The following ERC1 variants were observed in gnomAD, a reference collection of about 807,000 sequenced individuals.
ERC1 encodes RAB6 interacting protein 2.
In ERC1, 56 loss-of-function variants were observed where a neutral mutation model predicts 132.0. That is an observed-to-expected ratio of 0.42 (90% CI 0.34 to 0.53). The LOEUF (loss-of-function observed/expected upper bound fraction) is 0.53, where lower values mean the gene tolerates loss of function less well. ERC1 is among the 20% of genes least tolerant of loss of function. The pLI, the probability that ERC1 is intolerant of heterozygous loss-of-function variation, is 0.03. For synonymous variants in ERC1, 478 were observed against 476.1 expected, an observed-to-expected ratio of 1.00 and a Z score of -0.05; for missense variants, 1,202 against 1,349.9, an observed-to-expected ratio of 0.89 and a Z score of 1.72.
At chr12:1,452,827 G>A (rs911795972) in intron 18 of ERC1, among the ~76,000 whole-genome samples, 1 of 152,182 alleles carries the variant, frequency 6.6e-6, no homozygotes, top group Non-Finnish European at 1.5e-5. Flanking sequence ...CTTCTGTCAG[G>A]CCATTAGCAT....
At chr12:1,102,468 G>T (rs1944775221) in intron 3 of ERC1, among the ~76,000 whole-genome samples, 1 of 152,140 alleles carries the variant, frequency 6.6e-6, no homozygotes, top group South Asian at 2.1e-4. Flanking sequence ...ATGGAGCTAT[G>T]TAAGCTGTGT....
At chr12:1,202,076 C>T (rs530205710) in intron 12 of ERC1, among the ~76,000 whole-genome samples, 17 of 152,304 alleles carry the variant, frequency 1.1e-4, no homozygotes, top group African/African-American at 4.1e-4. Context: ...TCTGATCCTG[C>T]TTGCTTCAGC....
intron 15 of ERC1, among the ~76,000 whole-genome samples, chr12:1,329,163 A>G (rs1375994065): frequency 6.9e-6 from 1 of 145,600 alleles, no homozygotes; most frequent in African/African-American, 2.6e-5. Flanking sequence ...GCGTGGTGGC[A>G]CATGCCTGTA....
chr12:1,421,494 A>G (rs1029912291), intron 17 of ERC1, among the ~76,000 whole-genome samples: 6 of 152,106 alleles, frequency 3.9e-5, no homozygotes, highest in Admixed American at 6.6e-5. Context: ...CATACACTAA[A>G]TCAGTTTCTA....
chr12:1,153,625 G>C (rs888802690), intron 8 of ERC1, among the ~76,000 whole-genome samples: 1 of 152,218 alleles, frequency 6.6e-6, no homozygotes, highest in African/African-American at 2.4e-5. Context: ...AGCCTGAAAA[G>C]ACAAACATTC....
chr12:1,210,778 G>A (rs1484151416), intron 12 of ERC1, among the ~76,000 whole-genome samples: 3 of 152,044 alleles, frequency 2.0e-5, no homozygotes, highest in African/African-American at 4.8e-5. Flanking sequence ...GATGGATCAC[G>A]AGGTCAAGAG....
chr12:1,212,868 C>T (rs1958009085), intron 12 of ERC1, among the ~76,000 whole-genome samples: 1 of 152,184 alleles, frequency 6.6e-6, no homozygotes, highest in African/African-American at 2.4e-5. Flanking sequence ...TCCTACCTGG[C>T]TTTCTCAAAA....
intron 15 of ERC1, among the ~76,000 whole-genome samples, chr12:1,345,204 G>A (rs947611347): frequency 3.1e-3 from 169 of 55,018 alleles, no homozygotes; most frequent in African/African-American, 0.016. Flanking sequence ...TTTTTGAGAC[G>A]GAGTCTCACT....
intron 11 of ERC1, among the ~76,000 whole-genome samples, chr12:1,189,565 T>G (rs1955500061): frequency 6.6e-6 from 1 of 152,250 alleles, no homozygotes; most frequent in East Asian, 1.9e-4. Context: ...ACTGTTAGTT[T>G]GTCTCACTAA....
At chr12:1,300,061 AACTATACT>A (rs1308088505) in intron 15 of ERC1, among the ~76,000 whole-genome samples, 1 of 152,198 alleles carries the variant, frequency 6.6e-6, no homozygotes, top group African/African-American at 2.4e-5. Context: ...CCCAACTTCA[AACTATACT>A]ACAGGACTAC....
intron 16 of ERC1, among the ~76,000 whole-genome samples, chr12:1,395,170 G>T (rs2090424595): frequency 6.6e-6 from 1 of 152,312 alleles, no homozygotes; most frequent in Non-Finnish European, 1.5e-5. Flanking sequence ...AGGAGCAAAG[G>T]CTCAACCACT....
intron 15 of ERC1, among the ~76,000 whole-genome samples, chr12:1,361,229 A>AG (rs1330831835): frequency 7.9e-6 from 1 of 126,712 alleles, no homozygotes; most frequent in Non-Finnish European, 1.6e-5. Context: ...GGACACAGGA[A>AG]GGGGAACATC....
intron 8 of ERC1, among the ~76,000 whole-genome samples, chr12:1,154,971 G>T (rs1951227983): frequency 1.3e-5 from 2 of 152,158 alleles, no homozygotes; most frequent in African/African-American, 4.8e-5. Flanking sequence ...ACGTAAATTA[G>T]TACAACCTTT....
chr12:1,366,198 T>C (rs989856732), intron 15 of ERC1, among the ~76,000 whole-genome samples: 22 of 152,244 alleles, frequency 1.4e-4, no homozygotes, highest in African/African-American at 5.1e-4. Flanking sequence ...GTAAATTTTA[T>C]GTGTGTTTTA....
chr12:1,393,219 C>T (rs1345566616), intron 16 of ERC1, among the ~76,000 whole-genome samples: 1 of 152,204 alleles, frequency 6.6e-6, no homozygotes, highest in Non-Finnish European at 1.5e-5. Context: ...ATAAAATTCC[C>T]TCAGAACATC....
At chr12:1,276,006 T>C (rs1254852134) in intron 14 of ERC1, among the ~76,000 whole-genome samples, 2 of 152,210 alleles carry the variant, frequency 1.3e-5, no homozygotes, top group Non-Finnish European at 2.9e-5. Context: ...TTCTCAGATA[T>C]ATGTAATGTT....
intron 2 of ERC1, among the ~76,000 whole-genome samples, chr12:1,057,537 A>T (rs556116722): frequency 2.7e-5 from 4 of 149,636 alleles, no homozygotes; most frequent in African/African-American, 9.9e-5. Context: ...CTTTTTTTTT[A>T]AAAAGGTGAA....
chr12:1,407,618 C>T (rs1376166386), intron 16 of ERC1, among the ~76,000 whole-genome samples: 1 of 152,080 alleles, frequency 6.6e-6, no homozygotes, highest in African/African-American at 2.4e-5. Flanking sequence ...AATTTAATTG[C>T]CAGTCTTAGC....
intron 12 of ERC1, among the ~76,000 whole-genome samples, chr12:1,218,336 A>G (rs528639414): frequency 6.6e-6 from 1 of 151,786 alleles, no homozygotes; most frequent in East Asian, 2.0e-4. Context: ...CCTCCTTTCA[A>G]ATTTTTGCTT....
Sources: allele counts gnomAD v4.1 joint callset (sites outside exome capture counted in the v4.1 genomes callset), GRCh38; gene constraint gnomAD v4.1.1; transcripts MANE v1.5; gene names NCBI Gene and HGNC (gene_info 2026-07-23, HGNC 2026-07-21).